Variants in AGAP1 observed in about 807,000 individuals in gnomAD.
AGAP1 encodes the protein arf-GAP with GTPase, ANK repeat and PH domain-containing protein 1.
AGAP1 carries 29 observed loss-of-function variants against 105.3 expected under a neutral mutation model. That is an observed-to-expected ratio of 0.28 (90% CI 0.21 to 0.38). The LOEUF is 0.38. Among genes scored for constraint, AGAP1 ranks in the 10% least tolerant of loss-of-function variants. AGAP1 has a pLI of 1.00. For missense variants in AGAP1, 998 were observed against 1,165.1 expected (o/e 0.86, Z 2.09); for synonymous variants, 509 against 485.9 (o/e 1.05, Z -0.63).
rs188803942 is a variant in AGAP1 at position 235,746,167 on chromosome 2, C to G, written c.538+1328C>G. Among the ~76,000 whole-genome samples the G allele has an allele frequency of 1.8e-3, 274 of 151,574 alleles. 1 individual carries two copies. The highest frequency in any genetic ancestry group is 5.8e-3 in the African/African-American group (238 of 41,316). On this transcript the variant is annotated intron_variant, in intron 5 of 17. Coordinates refer to ENST00000304032, the MANE Select transcript of AGAP1 (RefSeq NM_001037131.3). ...GGGCATGTTGGCGGGTGTCTGTAAT[C>G]CCAGCTACTTGGGAGGCTGAGGCAG...
At chr2:235,533,728 T>G (rs1395352170) in intron 1 of AGAP1, among the ~76,000 whole-genome samples, 3 of 152,242 alleles carry the variant, frequency 2.0e-5, no homozygotes, top group African/African-American at 7.2e-5. Context: ...GTTGGGATTT[T>G]CTCATGTGTG....
rs772077452 is a variant in AGAP1 at position 235,750,155 on chromosome 2, C to T, written c.539-199C>T. 6.6e-6 allele frequency among the ~76,000 whole-genome samples: 1 copy of T among 152,136 alleles called. No homozygotes were observed. The highest frequency in any genetic ancestry group is 1.5e-5 in the Non-Finnish European group (1 of 68,018). On this transcript the variant is annotated intron_variant, in intron 5 of 17. Transcript: ENST00000304032. This position sits in a 1 kb window ranked among gnomAD's most constrained non-coding sequence, Gnocchi z 5.3. Reference sequence around the variant, plus strand: ...CAGTTTCAGAAGCGCTCCTGTAAAACAAATATCTACGAATGAATAACTTTC... The same window carrying T: ...CAGTTTCAGAAGCGCTCCTGTAAAATAAATATCTACGAATGAATAACTTTC...
chr2:235,581,445 GTTCT>G (rs1944929912), intron 1 of AGAP1, among the ~76,000 whole-genome samples: 1 of 138,708 alleles, frequency 7.2e-6, no homozygotes, highest in African/African-American at 3.1e-5. Flanking sequence ...TGTTTATATT[GTTCT>G]TTTTTTTTTT....
chr2:235,968,692 G>A (rs564735716), intron 13 of AGAP1, 69 bp downstream of exon 13: 10 of 1,502,408 alleles, frequency 6.7e-6, no homozygotes, highest in African/African-American at 5.6e-5. Context: ...TTTCAAATGC[G>A]TGAAATTAGA....
chr2:235,675,196 T>G (rs1195114188), intron 1 of AGAP1, among the ~76,000 whole-genome samples: 1 of 148,786 alleles, frequency 6.7e-6, no homozygotes, highest in Non-Finnish European at 1.5e-5. Flanking sequence ...GTTGGTTTTT[T>G]TTTTTTTTTT....
intron 1 of AGAP1, among the ~76,000 whole-genome samples, chr2:235,547,421 C>T (rs901799616): frequency 6.1e-5 from 9 of 147,412 alleles, no homozygotes; most frequent in Admixed American, 4.1e-4. Flanking sequence ...TGCAGTGGTG[C>T]GATCTCGGCT....
intron 16 of AGAP1, among the ~76,000 whole-genome samples, chr2:236,054,064 G>A (rs1056557315): frequency 6.6e-5 from 10 of 152,144 alleles, no homozygotes; most frequent in South Asian, 2.1e-4. Context: ...GAGACTGGCC[G>A]TACACTTCCA....
In AGAP1 at chr2:235,759,330, G is replaced by A. The variant is rs536552685; in HGVS notation, c.673+8842G>A. Among the ~76,000 whole-genome samples, 20 of 152,014 alleles carry A rather than the reference G, an allele frequency of 1.3e-4. No homozygotes were observed. In the East Asian group the frequency reaches 1.9e-3, roughly 15 times the overall value. On this transcript the variant is annotated intron_variant, in intron 6 of 17. Transcript: ENST00000304032. ...ACTACAGGCGCCTGCCACCACGCCC[G>A]GCTAATTTTTTTGTATTTTTAGTAG...
In AGAP1 at chr2:235,960,835, G is replaced by A. The variant is rs1165020137; in HGVS notation, c.1484-7627G>A. Among the ~76,000 whole-genome samples, 3 of 152,164 alleles carry A rather than the reference G, an allele frequency of 2.0e-5. No individual in the cohort carries two copies. Among genetic ancestry groups the A allele is most frequent in the Non-Finnish European group, 2.9e-5 (2 of 68,030 alleles). ...ATAGACTTCACTCATGGACTCAGTC[G>A]TTCGCCTAAAAATAGATTCCAAATG... On this transcript the variant is annotated intron_variant, in intron 12 of 17. Transcript: ENST00000304032. This position sits in a 1 kb window ranked among gnomAD's most constrained non-coding sequence, Gnocchi z 4.9.
At chr2:236,088,716 T>C (rs1435656285) in intron 16 of AGAP1, among the ~76,000 whole-genome samples, 5 of 152,240 alleles carry the variant, frequency 3.3e-5, no homozygotes, top group Non-Finnish European at 7.3e-5. Flanking sequence ...AGTAAAACCA[T>C]AGATTCTCTT....
intron 13 of AGAP1, among the ~76,000 whole-genome samples, chr2:235,987,885 G>T (rs551895235): frequency 3.9e-5 from 6 of 152,168 alleles, no homozygotes; most frequent in African/African-American, 1.4e-4. Context: ...GCGTAATACG[G>T]AATTAAAGAA....
chr2:236,124,161 C>T lies in AGAP1; in HGVS notation c.*39C>T, dbSNP rs374743342. On this transcript the variant is annotated 3_prime_UTR_variant, in exon 18 of 18. Coordinates refer to ENST00000304032, the MANE Select transcript of AGAP1 (RefSeq NM_001037131.3). This position sits in a 1 kb window ranked among gnomAD's most constrained non-coding sequence, Gnocchi z 5.1. ...CCGCCTGCTCGCCGCACCTGGGACG[C>T]GGCAGCCTCGCCGCATTCTCGCTCA... 46 of 1,600,698 alleles carry T rather than the reference C, an allele frequency of 2.9e-5. No individual in the cohort carries two copies. In the African/African-American group the frequency reaches 3.3e-4, roughly 12 times the overall value.
chr2:235,505,956 A>G (rs1941789163), intron 1 of AGAP1, among the ~76,000 whole-genome samples: 2 of 139,740 alleles, frequency 1.4e-5, no homozygotes, highest in Non-Finnish European at 3.0e-5. Flanking sequence ...TTTAAGACGG[A>G]ATCTTGCTCT....
chr2:236,034,764 G>A (rs913189452), intron 13 of AGAP1, among the ~76,000 whole-genome samples: 4 of 152,288 alleles, frequency 2.6e-5, no homozygotes, highest in East Asian at 3.9e-4. Context: ...CACTCAGCAC[G>A]TGCATCACAG....
chr2:235,654,944 T>C (rs1055586061), intron 1 of AGAP1, among the ~76,000 whole-genome samples: 2 of 152,224 alleles, frequency 1.3e-5, no homozygotes, highest in African/African-American at 4.8e-5. Flanking sequence ...TTTGTCACCA[T>C]GATTTGCATT....
intron 13 of AGAP1, among the ~76,000 whole-genome samples, chr2:236,013,548 T>C (rs2125571070): frequency 6.6e-6 from 1 of 151,760 alleles, no homozygotes; most frequent in African/African-American, 2.4e-5. Flanking sequence ...GGCTGCCTGC[T>C]TTGCGGGCTT....
chr2:236,024,562 T>C (rs2056992336), intron 13 of AGAP1, among the ~76,000 whole-genome samples: 1 of 152,208 alleles, frequency 6.6e-6, no homozygotes, highest in Non-Finnish European at 1.5e-5. Flanking sequence ...TGAAACGGTT[T>C]TCAGCTGCTT....
intron 11 of AGAP1, among the ~76,000 whole-genome samples, chr2:235,925,113 A>G (rs1238823024): frequency 2.0e-5 from 3 of 152,136 alleles, no homozygotes; most frequent in Admixed American, 2.0e-4. Flanking sequence ...CTTATCCCCG[A>G]GTATAAGTGT....
intron 9 of AGAP1, among the ~76,000 whole-genome samples, chr2:235,876,846 CTTTT>C (rs34849687): frequency 7.6e-6 from 1 of 131,500 alleles, no homozygotes. Flanking sequence ...GGTGTGGAAC[CTTTT>C]TTTTTTTTTT....
Sources: gnomAD v4.1 joint callset for allele counts (sites outside exome capture counted in the v4.1 genomes callset) on GRCh38, gnomAD v4.1.1 for gene constraint, Gnocchi (gnomAD v3.1) non-coding constraint, MANE v1.5 for transcripts, NCBI Gene and HGNC (gene_info 2026-07-23, HGNC 2026-07-21) for gene names.